The following DLG2 variants were observed in gnomAD, a reference collection of about 807,000 sequenced individuals.
DLG2 encodes discs large MAGUK scaffold protein 2.
Under a neutral mutation model 132.5 loss-of-function variants are expected in DLG2, and 45 were observed. The ratio of observed to expected loss-of-function variants is 0.34; its 90% CI spans 0.27 to 0.44. The LOEUF (loss-of-function observed/expected upper bound fraction) is 0.44. Ranked by LOEUF, DLG2 falls within the 20% of genes least tolerant of loss-of-function variation. DLG2 has a pLI of 1.00. For synonymous variants in DLG2, 424 were observed against 419.6 expected (o/e 1.01, Z -0.13); for missense variants, 1,045 against 1,196.9 (o/e 0.87, Z 1.87).
chr11:84,609,384 T>C (rs867195956), intron 6 of DLG2, among the ~76,000 whole-genome samples: 1 of 152,174 alleles, frequency 6.6e-6, no homozygotes, highest in African/African-American at 2.4e-5. Flanking sequence ...TTAAGTGTTA[T>C]TGTTTGTTAA....
At chr11:83,582,487 T>A (rs1273481810) in intron 19 of DLG2, among the ~76,000 whole-genome samples, 1 of 152,194 alleles carries the variant, frequency 6.6e-6, no homozygotes, top group Non-Finnish European at 1.5e-5. Flanking sequence ...GGGGATGCAA[T>A]TATGAATTAA....
intron 8 of DLG2, among the ~76,000 whole-genome samples, chr11:84,214,789 A>G (rs1237485227): frequency 6.6e-6 from 1 of 152,218 alleles, no homozygotes; most frequent in African/African-American, 2.4e-5. Flanking sequence ...AAGAGATAAA[A>G]TGATCTTGGC....
At chr11:84,868,247 C>T (rs2084930205) in intron 6 of DLG2, among the ~76,000 whole-genome samples, 2 of 151,126 alleles carry the variant, frequency 1.3e-5, no homozygotes, top group South Asian at 4.2e-4. Context: ...CTGACCTAGA[C>T]AGAGTATCCA....
At chr11:85,239,453 T>C (rs1353872087) in intron 4 of DLG2, among the ~76,000 whole-genome samples, 1 of 152,086 alleles carries the variant, frequency 6.6e-6, no homozygotes, top group Non-Finnish European at 1.5e-5. Flanking sequence ...TATTCATTCA[T>C]GACATACCTG....
chr11:84,200,823 C>T (rs1394353849), intron 8 of DLG2, among the ~76,000 whole-genome samples: 1 of 152,118 alleles, frequency 6.6e-6, no homozygotes, highest in African/African-American at 2.4e-5. Context: ...GCTGAAGTTG[C>T]TTATCAGCTT....
At chr11:85,477,103 T>C (rs1202119958) in intron 3 of DLG2, among the ~76,000 whole-genome samples, 2 of 152,188 alleles carry the variant, frequency 1.3e-5, no homozygotes, top group Admixed American at 6.5e-5. Context: ...AGCTCCATTA[T>C]AATCATATGG....
intron 8 of DLG2, among the ~76,000 whole-genome samples, chr11:84,245,309 C>T (rs2097288741): frequency 6.6e-6 from 1 of 152,064 alleles, no homozygotes; most frequent in African/African-American, 2.4e-5. Flanking sequence ...ATCCAATGGC[C>T]TTTTCACATT....
intron 9 of DLG2, among the ~76,000 whole-genome samples, chr11:84,106,866 T>TGCGAGA (rs1356020682): frequency 1.7e-5 from 1 of 57,154 alleles, no homozygotes; most frequent in Admixed American, 1.9e-4. Context: ...TGTGTGTATG[T>TGCGAGA]GTGAGAGAGA....
chr11:84,313,659 A>AAGAAAGAAAGAAAGAAAG (rs2098323424), intron 7 of DLG2, among the ~76,000 whole-genome samples: 1 of 151,038 alleles, frequency 6.6e-6, no homozygotes, highest in Non-Finnish European at 1.5e-5. Context: ...GAAAGAAAGA[A>AAGAAAGAAAGAAAGAAAG]AGAAAGAAAG....
At chr11:84,381,194 CT>C (rs2098748079) in intron 7 of DLG2, among the ~76,000 whole-genome samples, 1 of 151,632 alleles carries the variant, frequency 6.6e-6, no homozygotes, top group Non-Finnish European at 1.5e-5. Flanking sequence ...AAGAGAAAAC[CT>C]GAATAATCAT....
intron 7 of DLG2, among the ~76,000 whole-genome samples, chr11:84,342,925 ATGCT>A (rs1479125613): frequency 2.0e-5 from 3 of 152,204 alleles, no homozygotes; most frequent in Non-Finnish European, 4.4e-5. Flanking sequence ...GCTGAATTTG[ATGCT>A]TCAGATCCCT....
intron 15 of DLG2, among the ~76,000 whole-genome samples, chr11:83,914,012 A>T (rs2076501986): frequency 6.6e-6 from 1 of 152,164 alleles, no homozygotes. Context: ...ATAATATGGA[A>T]AGACTGCAGA....
chr11:85,053,980 A>C (rs1347793442), intron 6 of DLG2, among the ~76,000 whole-genome samples: 1 of 151,406 alleles, frequency 6.6e-6, no homozygotes, highest in African/African-American at 2.4e-5. Context: ...GAGAAATGCC[A>C]ATCAGGCCAG....
At chr11:84,316,796 CAAGGGAAAGTCAT>C in intron 7 of DLG2, 5 of 1,569,608 alleles carry the variant, frequency 3.2e-6, no homozygotes, top group Non-Finnish European at 4.3e-6. Context: ...TTCAGACACT[CAAGGGAAAGTCAT>C]AAGGAAAAGG....
At chr11:83,925,456 C>A (rs1040497526) in intron 15 of DLG2, among the ~76,000 whole-genome samples, 7 of 152,068 alleles carry the variant, frequency 4.6e-5, no homozygotes, top group African/African-American at 1.7e-4. Context: ...ATTTGAGAAA[C>A]TGAGGCCTTT....
chr11:84,609,298 T>C (rs1489960383), intron 6 of DLG2, among the ~76,000 whole-genome samples: 2 of 152,162 alleles, frequency 1.3e-5, no homozygotes, highest in Non-Finnish European at 2.9e-5. Context: ...TCAGTGGCTT[T>C]GGAGGACTAA....
chr11:83,698,416 T>C (rs2082293250), intron 18 of DLG2, among the ~76,000 whole-genome samples: 1 of 152,192 alleles, frequency 6.6e-6, no homozygotes. Flanking sequence ...AGTAAAATTA[T>C]TTTGTGAGTG....
At chr11:84,631,595 A>C (rs1326822394) in intron 6 of DLG2, among the ~76,000 whole-genome samples, 2 of 152,058 alleles carry the variant, frequency 1.3e-5, no homozygotes, top group East Asian at 3.9e-4. Flanking sequence ...TGGAACTTCA[A>C]AATGTCCTAG....
chr11:85,575,624 T>C (rs923140994), intron 3 of DLG2, among the ~76,000 whole-genome samples: 2 of 152,158 alleles, frequency 1.3e-5, no homozygotes, highest in African/African-American at 4.8e-5. Context: ...ACTACTACCT[T>C]TGCATTTGCA....
Sources: gnomAD v4.1 joint callset for allele counts (sites outside exome capture counted in the v4.1 genomes callset) on GRCh38, gnomAD v4.1.1 for gene constraint, MANE v1.5 for transcripts, NCBI Gene and HGNC (gene_info 2026-07-23, HGNC 2026-07-21) for gene names.